VAX1: variants seen among roughly 807,000 people sequenced by gnomAD.
VAX1 encodes the protein ventral anterior homeobox 1.
Under a neutral mutation model 17.6 loss-of-function variants are expected in VAX1, and 6 were observed. The ratio of observed to expected loss-of-function variants is 0.34; its 90% CI spans 0.19 to 0.67. VAX1 has a LOEUF of 0.67. Among genes scored for constraint, VAX1 ranks in the 30% least tolerant of loss-of-function variants. The pLI, the probability that VAX1 is intolerant of heterozygous loss-of-function variation, is 0.69. For missense variants in VAX1, 408 were observed against 463.7 expected (o/e 0.88, Z 1.10); for synonymous variants, 256 against 227.4 (o/e 1.13, Z -1.13).
In VAX1 at chr10:117,134,334, C is replaced by G; in HGVS notation, c.679G>C (p.Ala227Pro). Residue 227 changes from alanine to proline, a missense_variant, in exon 3 of 3, where the codon GCC becomes CCC. Ala to Pro is a conservative substitution (Grantham distance 27, BLOSUM62 -1). Coordinates refer to ENST00000369206, the MANE Select transcript of VAX1 (RefSeq NM_001112704.2). This position sits in a 1 kb window ranked among gnomAD's most constrained non-coding sequence, Gnocchi z 6.2. The part of the protein sequence containing the change: ...LGAGAAAGSA[A>P]AAAAAAPGPA... ...CCCGGGGCGGCGGCGGCGGCTGCGG[C>G]GGCCGAGCCTGCAGCGGCGCCCGCG... 9.5e-7 allele frequency: 1 copy of G among 1,049,654 alleles called. No homozygotes were observed. The highest frequency in any genetic ancestry group is 1.1e-6 in the Non-Finnish European group (1 of 873,466). The allele number at this position is 1,049,654 out of a possible 1,614,324, so 65.0% of individuals were successfully genotyped here.
chr10:117,134,253 C>A lies in VAX1; in HGVS notation c.760G>T (p.Gly254Trp). ...PPAVGGAPGP[G>W]PAGPGGLHAG... ...TGCAATCCCCCCGGCCCGGCGGGCC[C>A]GGGACCTGGAGCACCGCCCACAGCC... The change falls in exon 3 of 3, where the codon GGG (glycine) becomes TGG (tryptophan). Residue 254 changes from glycine to tryptophan, a missense_variant. This residue lies in a region of VAX1 where 196 missense variants were observed against 218.7 expected (regional missense o/e 0.90). Transcript: ENST00000369206. The surrounding 1 kb of genome is among the most constrained non-coding windows in gnomAD (Gnocchi z 6.2). 1 of 1,374,170 alleles carries A rather than the reference C, an allele frequency of 7.3e-7. No individual in the cohort carries two copies. Among genetic ancestry groups the A allele is most frequent in the Non-Finnish European group, 9.3e-7 (1 of 1,074,632 alleles). 85.1% of individuals were successfully genotyped at this position (1,374,170 alleles called of 1,614,324 possible).
downstream of VAX1, chr10:117,129,961 G>A (rs1854064299): frequency 6.6e-6 from 1 of 152,066 alleles, no homozygotes; most frequent in African/African-American, 2.4e-5. Flanking sequence ...ATTAGCAGAT[G>A]TGGGTGCAAA....
chr10:117,129,751 A>C (rs1854061067), downstream of VAX1: 1 of 151,850 alleles, frequency 6.6e-6, no homozygotes, highest in Non-Finnish European at 1.5e-5. Flanking sequence ...ATTATAATTC[A>C]ATTTATAAAT....
At chr10:117,132,525 A>C, downstream of VAX1, 1 of 1,569,160 alleles carries the variant, frequency 6.4e-7, no homozygotes, top group Non-Finnish European at 8.6e-7. The surrounding 1 kb of genome is among the most constrained non-coding windows in gnomAD (Gnocchi z 4.9). Context: ...TTCCGACGTA[A>C]ATAATTTACA....
chr10:117,133,332 T>C lies in VAX1; in HGVS notation c.*676A>G, dbSNP rs1276438900. 22 of 985,346 alleles carry C rather than the reference T, an allele frequency of 2.2e-5. No individual in the cohort carries two copies. In the Admixed American group the frequency reaches 3.7e-4, roughly 17 times the overall value. 61.0% of individuals were successfully genotyped at this position (985,346 alleles called of 1,614,324 possible). The stretch of plus-strand genomic sequence containing the variant: ...TGCTTTTATTGCTGATTAGATCAAA[T>C]TTATCAGTGTCGTTGCCTACTACGA... On this transcript the variant is annotated 3_prime_UTR_variant, in exon 3 of 3. Transcript: ENST00000369206.
rs766681363 is a variant in VAX1, at chr10:117,137,883, C to T, written c.174G>A (p.Glu58=). 5 of 1,613,718 alleles carry T rather than the reference C, an allele frequency of 3.1e-6. No individual in the cohort carries two copies. The highest frequency in any genetic ancestry group is 4.2e-6 in the Non-Finnish European group (5 of 1,180,008). ...QGAFSASGAA[E]DCNKSKSNSA... The stretch of plus-strand genomic sequence containing the variant: ...AATTGGATTTACTTTTGTTACAATC[C>T]TCAGCAGCGCCCGACGCTGAGAAGG... The change falls in exon 1 of 3, where the codon GAG becomes GAA. Residue 58 remains glutamate, a synonymous_variant. Coordinates refer to ENST00000369206, the MANE Select transcript of VAX1 (RefSeq NM_001112704.2). The surrounding 1 kb of genome is among the most constrained non-coding windows in gnomAD (Gnocchi z 7.4).
rs1225047529 is a variant in VAX1 at position 117,137,803 on chromosome 10, TG to T, written c.241+12del. On this transcript the variant is annotated intron_variant, in intron 1 of 2. Coordinates refer to ENST00000369206, the MANE Select transcript of VAX1 (RefSeq NM_001112704.2). The surrounding 1 kb of genome is among the most constrained non-coding windows in gnomAD (Gnocchi z 7.4). ...CCCCAAAGAACGCGCCTGGCAGCCC[TG>T]CCCATCCCTACCTCGGACCAGGATC... is the stretch of plus-strand genomic sequence containing the variant. 2 of 1,611,144 alleles carry T rather than the reference TG, an allele frequency of 1.2e-6. No homozygotes were observed. The highest frequency in any genetic ancestry group is 2.2e-5 in the South Asian group (2 of 90,958).
At chr10:117,132,022 C>T, downstream of VAX1, 2 of 583,804 alleles carry the variant, frequency 3.4e-6, no homozygotes, top group Non-Finnish European at 6.0e-6. This position sits in a 1 kb window ranked among gnomAD's most constrained non-coding sequence, Gnocchi z 4.9. Context: ...CTAAGAATTA[C>T]GCAGTGGGAA....
Position 117,134,960 on chromosome 10 carries a change from C to T in VAX1, c.430-377G>A, listed in dbSNP as rs1373657952. On this transcript the variant is annotated intron_variant, in intron 2 of 2. Coordinates refer to ENST00000369206, the MANE Select transcript of VAX1 (RefSeq NM_001112704.2). The surrounding 1 kb of genome is among the most constrained non-coding windows in gnomAD (Gnocchi z 6.2). ...ACAGATGTGTGAATCAGTGCAGTCC[C>T]AAAGCCGGAATTTCCGGTGGAGGGT... 6.6e-6 allele frequency among the ~76,000 whole-genome samples: 1 copy of T among 152,204 alleles called. No homozygotes were observed. Among genetic ancestry groups the T allele is most frequent in the Non-Finnish European group, 1.5e-5 (1 of 68,040 alleles).
In VAX1 at chr10:117,133,964, C is replaced by T. The variant is rs1266780592; in HGVS notation, c.*44G>A. ...AATGCGCGTGAGTCCATAAATATCA[C>T]CACAATAGATACTATAAATATAAAT... On this transcript the variant is annotated 3_prime_UTR_variant, in exon 3 of 3. Coordinates refer to ENST00000369206, the MANE Select transcript of VAX1 (RefSeq NM_001112704.2). 4 of 1,476,742 alleles carry T rather than the reference C, an allele frequency of 2.7e-6. No homozygotes were observed. The highest frequency in any genetic ancestry group is 1.8e-6 in the Non-Finnish European group (2 of 1,119,374). 91.5% of individuals were successfully genotyped at this position (1,476,742 alleles called of 1,614,324 possible).
rs1033628811 is a variant in VAX1, at chr10:117,134,305, T to A, written c.708A>T (p.Pro236=). ...GCGGGTGCGGGGATGCAGCGCCCGC[T>A]GGGCCCGGGGCGGCGGCGGCGGCTG... ...AAAAAAAAPG[P]AGAASPHPPA... is the part of the protein sequence containing the mutation. The change falls in exon 3 of 3, where the codon CCA becomes CCT. Residue 236 remains proline, a synonymous_variant. Transcript: ENST00000369206. This position sits in a 1 kb window ranked among gnomAD's most constrained non-coding sequence, Gnocchi z 6.2. 9.3e-5 allele frequency: 106 copies of A among 1,138,154 alleles called. No individual in the cohort carries two copies. Among genetic ancestry groups the A allele is most frequent in the Non-Finnish European group, 1.1e-4 (105 of 929,512 alleles). 70.5% of individuals were successfully genotyped at this position (1,138,154 alleles called of 1,614,324 possible). A position where few individuals can be genotyped will look rare whatever the true frequency, so the allele number is the denominator to read the frequency against.
Position 117,134,037 on chromosome 10 carries a change from C to T in VAX1, c.976G>A (p.Glu326Lys). The stretch of plus-strand genomic sequence containing the variant: ...TCCAGCGCTTTTTTCTCGGCCCCTT[C>T]TTTATTGTTGGTCCGGGAGTAAGGC... ...FEPYSRTNNK[E>K]GAEKKALD The change falls in exon 3 of 3, where the codon GAA (glutamate) becomes AAA (lysine). Residue 326 changes from glutamate (E) to lysine (K), a missense_variant. Around this residue, in one of 4 missense-constraint regions of VAX1, gnomAD observed 196 missense variants for 218.7 expected, o/e 0.90. Coordinates refer to ENST00000369206, the MANE Select transcript of VAX1 (RefSeq NM_001112704.2). The surrounding 1 kb of genome is among the most constrained non-coding windows in gnomAD (Gnocchi z 6.2). 2 of 1,525,236 alleles carry T rather than the reference C, an allele frequency of 1.3e-6. No individual in the cohort carries two copies. Among genetic ancestry groups the T allele is most frequent in the Non-Finnish European group, 1.8e-6 (2 of 1,135,552 alleles). The allele number at this position is 1,525,236 out of a possible 1,614,324, so 94.5% of individuals were successfully genotyped here.
rs1424090594 is a variant in VAX1, at chr10:117,137,736, GC to G, written c.241+79del. 11 of 1,601,180 alleles carry G rather than the reference GC, an allele frequency of 6.9e-6. No individual in the cohort carries two copies. The Admixed American group carries it at 1.3e-4, about 20-fold the overall frequency. ...TCCCAGCCGGCACTCCTTCCCACCG[GC>G]CTGTGTCGGCGGCAGCGCGCAGCTC... On this transcript the variant is annotated intron_variant, in intron 1 of 2. Coordinates refer to ENST00000369206, the MANE Select transcript of VAX1 (RefSeq NM_001112704.2). The surrounding 1 kb of genome is among the most constrained non-coding windows in gnomAD (Gnocchi z 7.4).
At chr10:117,130,990 G>C (rs915971671), downstream of VAX1, 7 of 152,646 alleles carry the variant, frequency 4.6e-5, no homozygotes, top group Non-Finnish European at 7.3e-5. Context: ...GGAATCCCAA[G>C]CTAGGATTTT....
Position 117,136,076 on chromosome 10 carries a change from G to C in VAX1, c.429+396C>G, listed in dbSNP as rs371065416. On this transcript the variant is annotated intron_variant, in intron 2 of 2. Transcript: ENST00000369206. The surrounding 1 kb of genome is among the most constrained non-coding windows in gnomAD (Gnocchi z 5.0). Reference sequence around the variant, plus strand: ...CCTGGACGCTGAGTACAGCTGGGTGGGCCCACAAGGGGTGGGGCCTAGAAA... The same window carrying C: ...CCTGGACGCTGAGTACAGCTGGGTGCGCCCACAAGGGGTGGGGCCTAGAAA... 8.7e-4 allele frequency among the ~76,000 whole-genome samples: 133 copies of C among 152,336 alleles called. 1 individual carries two copies. The highest frequency in any genetic ancestry group is 3.0e-3 in the African/African-American group (123 of 41,586).
rs1854118121 is a variant in VAX1 at position 117,133,511 on chromosome 10, T to A, written c.*497A>T. On this transcript the variant is annotated 3_prime_UTR_variant, in exon 3 of 3. Coordinates refer to ENST00000369206, the MANE Select transcript of VAX1 (RefSeq NM_001112704.2). ...GGGGCCCAGGGGCTCCCACAAGCCC[T>A]GGTTTCCCTGGCAAGAGGAAGGAAC... 5 of 985,690 alleles carry A rather than the reference T, an allele frequency of 5.1e-6. No individual in the cohort carries two copies. Among genetic ancestry groups the A allele is most frequent in the Non-Finnish European group, 4.8e-6 (4 of 830,112 alleles). 61.1% of individuals were successfully genotyped at this position (985,690 alleles called of 1,614,324 possible). A position where few individuals can be genotyped will look rare whatever the true frequency, so the allele number is the denominator to read the frequency against.
chr10:117,129,476 C>G (rs2133655312), downstream of VAX1: 1 of 152,710 alleles, frequency 6.5e-6, no homozygotes, highest in South Asian at 2.1e-4. Flanking sequence ...TTTCTAAAAT[C>G]CTTCAAGAAA....
At chr10:117,131,440 A>G (rs1392396911), downstream of VAX1, 1 of 152,246 alleles carries the variant, frequency 6.6e-6, no homozygotes, top group Non-Finnish European at 1.5e-5. Context: ...TCTCAGCAAA[A>G]AGCGGAGCTC....
In VAX1 at chr10:117,137,053, C is replaced by A. The variant is rs534029677; in HGVS notation, c.242-394G>T. Among the ~76,000 whole-genome samples the A allele has an allele frequency of 4.6e-5, 7 of 152,212 alleles. No individual in the cohort carries two copies. The highest frequency in any genetic ancestry group is 1.7e-4 in the African/African-American group (7 of 41,560). On this transcript the variant is annotated intron_variant, in intron 1 of 2. Transcript: ENST00000369206. The surrounding 1 kb of genome is among the most constrained non-coding windows in gnomAD (Gnocchi z 7.4). Reference sequence around the variant, plus strand: ...CCCAGCTCTGGGCTTGCCGACCAGACCGTGATCCAGACGTCCCCACCCCCA... The same window carrying A: ...CCCAGCTCTGGGCTTGCCGACCAGAACGTGATCCAGACGTCCCCACCCCCA...
Sources: gnomAD v4.1 joint callset for allele counts (sites outside exome capture counted in the v4.1 genomes callset) on GRCh38, gnomAD v4.1.1 for gene constraint, gnomAD v4.1.1 regional missense constraint, Gnocchi (gnomAD v3.1) non-coding constraint, MANE v1.5 for transcripts, NCBI Gene and HGNC (gene_info 2026-07-23, HGNC 2026-07-21) for gene names.